Variants in SYN2 observed in about 807,000 individuals in gnomAD.
SYN2 encodes the protein synapsin-2.
Under a neutral mutation model 50.9 loss-of-function variants are expected in SYN2, and 19 were observed. The observed-to-expected ratio is 0.37, with a 90% CI of 0.26 to 0.55. The LOEUF (loss-of-function observed/expected upper bound fraction) is 0.55. Among genes scored for constraint, SYN2 ranks in the 20% least tolerant of loss-of-function variants. The pLI is 0.81. For missense variants in SYN2, 587 were observed against 576.4 expected (o/e 1.02, Z -0.19); for synonymous variants, 255 against 224.9 (o/e 1.13, Z -1.20).
chr3:12,083,771 A>AG, intron 1 of SYN2, among the ~76,000 whole-genome samples: 1 of 152,130 alleles, frequency 6.6e-6, no homozygotes, highest in African/African-American at 2.4e-5. Context: ...TGCTAGTTTT[A>AG]ATCTGTCTGG....
chr3:12,124,631 AT>A (rs1341508164), intron 1 of SYN2, among the ~76,000 whole-genome samples: 1 of 152,222 alleles, frequency 6.6e-6, no homozygotes, highest in Non-Finnish European at 1.5e-5. Flanking sequence ...GGTTTTGTAT[AT>A]TACCATGAAT....
intron 1 of SYN2, among the ~76,000 whole-genome samples, chr3:12,105,146 T>C (rs1368289320): frequency 6.6e-6 from 1 of 152,166 alleles, no homozygotes; most frequent in Admixed American, 6.5e-5. Flanking sequence ...TGATTTCACC[T>C]GTTCATCAAC....
chr3:12,074,145 A>C (rs920624661), intron 1 of SYN2, among the ~76,000 whole-genome samples: 1 of 152,032 alleles, frequency 6.6e-6, no homozygotes, highest in Non-Finnish European at 1.5e-5. Context: ...TGTTTTATCT[A>C]TCATATAGTT....
At chr3:12,180,168 C>CA in intron 10 of SYN2, among the ~76,000 whole-genome samples, 2 of 152,034 alleles carry the variant, frequency 1.3e-5, no homozygotes, top group East Asian at 3.9e-4. Context: ...AGGCTGGTCT[C>CA]AAACTCCTGG....
intron 10 of SYN2, among the ~76,000 whole-genome samples, chr3:12,178,924 A>G (rs9882249): frequency 7.2e-4 from 110 of 152,348 alleles, no homozygotes; most frequent in African/African-American, 2.3e-3. Context: ...CTGGGCCCCA[A>G]TTCAGGGAGT....
At position 12,182,157 on chromosome 3, in the gene SYN2, G is replaced by A. The variant is rs145040445; in HGVS notation, c.1309-1155G>A. Reference sequence around the variant, plus strand: ...AGTGGAGCTGAAAACAGGCCATAATGGGCAGGGAGATAAATGGCCAGAATG... The same window carrying A: ...AGTGGAGCTGAAAACAGGCCATAATAGGCAGGGAGATAAATGGCCAGAATG... On this transcript the variant is annotated intron_variant, in intron 10 of 12. Coordinates refer to ENST00000621198, the MANE Select transcript of SYN2 (RefSeq NM_133625.6). Among the ~76,000 whole-genome samples the A allele has an allele frequency of 7.8e-3, 1,185 of 152,290 alleles. 8 individuals carry two copies. The highest frequency in any genetic ancestry group is 0.011 in the Non-Finnish European group (775 of 68,022).
intron 1 of SYN2, among the ~76,000 whole-genome samples, chr3:12,107,165 A>G (rs1434558852): frequency 6.6e-6 from 1 of 152,226 alleles, no homozygotes. Context: ...TTGATTTCAG[A>G]TATCCAGCAG....
chr3:12,128,450 T>C (rs1478386043), intron 1 of SYN2, among the ~76,000 whole-genome samples: 2 of 152,224 alleles, frequency 1.3e-5, no homozygotes, highest in Non-Finnish European at 2.9e-5. Flanking sequence ...CAAACTGTTG[T>C]TTGATCTTGA....
intron 1 of SYN2, among the ~76,000 whole-genome samples, chr3:12,136,006 T>C (rs1282178035): frequency 1.3e-5 from 2 of 152,234 alleles, no homozygotes; most frequent in Non-Finnish European, 2.9e-5. Context: ...CTCTGAAGCA[T>C]TGTTACATAA....
chr3:12,073,475 C>T (rs1695406608), intron 1 of SYN2, among the ~76,000 whole-genome samples: 1 of 152,124 alleles, frequency 6.6e-6, no homozygotes, highest in Non-Finnish European at 1.5e-5. Flanking sequence ...AGTCAGTTAC[C>T]ACTCCCTCCA....
intron 1 of SYN2, chr3:12,070,940 C>T (rs1322565533): frequency 2.3e-5 from 13 of 553,736 alleles, no homozygotes; most frequent in East Asian, 4.7e-5. Flanking sequence ...TCCTCCTCCT[C>T]TCTGGAGAAG....
At chr3:12,021,460 G>A (rs1694132925) in intron 1 of SYN2, among the ~76,000 whole-genome samples, 1 of 152,084 alleles carries the variant, frequency 6.6e-6, no homozygotes, top group Admixed American at 6.5e-5. Flanking sequence ...AAGATTAAAT[G>A]TTTTCCCCAA....
chr3:12,119,220 G>A (rs1408533990), intron 1 of SYN2, among the ~76,000 whole-genome samples: 1 of 149,814 alleles, frequency 6.7e-6, no homozygotes, highest in Admixed American at 6.6e-5. Context: ...TCCTTGGTTA[G>A]GTTAAAAAAA....
chr3:12,179,024 C>G (rs1698158266), intron 10 of SYN2, among the ~76,000 whole-genome samples: 1 of 152,156 alleles, frequency 6.6e-6, no homozygotes, highest in Admixed American at 6.5e-5. Flanking sequence ...ATTTGTGACT[C>G]TATATCTCTA....
Position 12,190,784 on chromosome 3 carries a change from G to A in SYN2, c.*159G>A. 7.2e-7 allele frequency: 1 copy of A among 1,390,656 alleles called. No individual in the cohort carries two copies. The highest frequency in any genetic ancestry group is 9.3e-7 in the Non-Finnish European group (1 of 1,078,790). The allele number at this position is 1,390,656 out of a possible 1,614,324, so 86.1% of individuals were successfully genotyped here. On this transcript the variant is annotated 3_prime_UTR_variant, in exon 13 of 13. Coordinates refer to ENST00000621198, the MANE Select transcript of SYN2 (RefSeq NM_133625.6). ...AAGTGATGTTGTGCAGCCCAGAAAG[G>A]ACCATTTGACAGTCTCAGGGCAGGT...
intron 1 of SYN2, among the ~76,000 whole-genome samples, chr3:12,082,371 G>T (rs984998071): frequency 6.6e-6 from 1 of 152,172 alleles, no homozygotes; most frequent in African/African-American, 2.4e-5. Context: ...AAAGCACATT[G>T]CATAAACAGT....
At chr3:12,128,981 A>G (rs1028057068) in intron 1 of SYN2, among the ~76,000 whole-genome samples, 1 of 152,204 alleles carries the variant, frequency 6.6e-6, no homozygotes, top group Non-Finnish European at 1.5e-5. Context: ...ATTCTCATGG[A>G]GCTTACATTT....
At chr3:12,088,713 A>G (rs1574933571) in intron 1 of SYN2, among the ~76,000 whole-genome samples, 1 of 152,232 alleles carries the variant, frequency 6.6e-6, no homozygotes, top group Non-Finnish European at 1.5e-5. Flanking sequence ...AGCATTTACA[A>G]AGAAGGAATT....
chr3:12,126,933 G>T (rs1471184452), intron 1 of SYN2, among the ~76,000 whole-genome samples: 1 of 152,152 alleles, frequency 6.6e-6, no homozygotes, highest in East Asian at 1.9e-4. Flanking sequence ...TTAGAGCAGG[G>T]TAAAGTCTTT....
Sources: allele counts gnomAD v4.1 joint callset (sites outside exome capture counted in the v4.1 genomes callset), GRCh38; gene constraint gnomAD v4.1.1; transcripts MANE v1.5; gene names NCBI Gene and HGNC (gene_info 2026-07-23, HGNC 2026-07-21).